Variants in CNTNAP5 observed in about 807,000 individuals in gnomAD.
The protein encoded by CNTNAP5 is contactin-associated protein-like 5.
A neutral mutation model predicts 150.2 loss-of-function variants in CNTNAP5; 72 were observed. The ratio of observed to expected loss-of-function variants is 0.48; its 90% CI spans 0.40 to 0.58. CNTNAP5 has a LOEUF of 0.58. Among genes scored for constraint, CNTNAP5 ranks in the 20% least tolerant of loss-of-function variants. CNTNAP5 has a pLI of 0.00. For synonymous variants in CNTNAP5, 672 were observed against 619.8 expected (o/e 1.08, Z -1.25); for missense variants, 1,636 against 1,626.2 (o/e 1.01, Z -0.10).
chr2:124,683,965 C>T (rs1679127954), intron 13 of CNTNAP5, among the ~76,000 whole-genome samples: 1 of 152,140 alleles, frequency 6.6e-6, no homozygotes. Flanking sequence ...TCTTTCTCCG[C>T]ACAAGGCCTG....
intron 1 of CNTNAP5, among the ~76,000 whole-genome samples, chr2:124,131,944 G>A (rs1683860357): frequency 6.6e-6 from 1 of 152,074 alleles, no homozygotes; most frequent in Admixed American, 6.6e-5. Context: ...TGTGAAGAGT[G>A]GATGAAAACC....
intron 1 of CNTNAP5, among the ~76,000 whole-genome samples, chr2:124,166,868 C>T (rs1684819290): frequency 6.6e-6 from 1 of 152,088 alleles, no homozygotes; most frequent in South Asian, 2.1e-4. Context: ...TTTGATAAAA[C>T]TTCCTCAAAT....
At chr2:124,431,984 G>A (rs1456382114) in intron 4 of CNTNAP5, among the ~76,000 whole-genome samples, 1 of 152,116 alleles carries the variant, frequency 6.6e-6, no homozygotes, top group East Asian at 1.9e-4. Flanking sequence ...CACCACACAA[G>A]GGACCCCACC....
At chr2:124,068,681 G>A (rs896174222) in intron 1 of CNTNAP5, among the ~76,000 whole-genome samples, 4 of 151,632 alleles carry the variant, frequency 2.6e-5, no homozygotes, top group Non-Finnish European at 5.9e-5. Context: ...CACAACTCAC[G>A]GCAGTGAAAG....
At chr2:124,427,748 T>G (rs879719932) in intron 4 of CNTNAP5, among the ~76,000 whole-genome samples, 1 of 152,112 alleles carries the variant, frequency 6.6e-6, no homozygotes, top group African/African-American at 2.4e-5. Flanking sequence ...TGAGCCACCG[T>G]GCCCGGCCAA....
At chr2:124,598,455 C>T (rs1293667949) in intron 11 of CNTNAP5, among the ~76,000 whole-genome samples, 26 of 142,848 alleles carry the variant, frequency 1.8e-4, no homozygotes, top group South Asian at 9.9e-4. Flanking sequence ...TTAGGCTGCT[C>T]GGGGGTCAGG....
At chr2:124,538,486 A>G (rs1044162467) in intron 10 of CNTNAP5, among the ~76,000 whole-genome samples, 5 of 151,894 alleles carry the variant, frequency 3.3e-5, no homozygotes, top group Non-Finnish European at 7.4e-5. Flanking sequence ...TGTCAGAAAG[A>G]AAGAGAGAGA....
chr2:124,084,701 G>GTA (rs1252208755), intron 1 of CNTNAP5, among the ~76,000 whole-genome samples: 1 of 151,646 alleles, frequency 6.6e-6, no homozygotes, highest in Non-Finnish European at 1.5e-5. Context: ...GAAGGTATAT[G>GTA]TATATATATT....
At chr2:124,411,491 G>A (rs373047713) in intron 3 of CNTNAP5, among the ~76,000 whole-genome samples, 1 of 147,422 alleles carries the variant, frequency 6.8e-6, no homozygotes, top group African/African-American at 2.5e-5. Context: ...AAAATACTGG[G>A]AAAATGAATC....
intron 7 of CNTNAP5, among the ~76,000 whole-genome samples, chr2:124,485,612 CAAAA>C (rs576700912): frequency 5.7e-5 from 3 of 52,400 alleles, no homozygotes; most frequent in Admixed American, 2.7e-4. Flanking sequence ...GACTCTGTCT[CAAAA>C]AAAAAAAAAA....
chr2:124,146,705 A>G (rs1353868065), intron 1 of CNTNAP5, among the ~76,000 whole-genome samples: 2 of 152,202 alleles, frequency 1.3e-5, no homozygotes, highest in Non-Finnish European at 2.9e-5. Flanking sequence ...AGTTATGTCA[A>G]ATTATTAATA....
chr2:124,151,156 A>T (rs184783705), intron 1 of CNTNAP5, among the ~76,000 whole-genome samples: 1 of 152,166 alleles, frequency 6.6e-6, no homozygotes, highest in East Asian at 1.9e-4. Flanking sequence ...CACGTGTCCA[A>T]TGAGTACAAG....
intron 13 of CNTNAP5, among the ~76,000 whole-genome samples, chr2:124,746,393 T>C (rs1411144346): frequency 6.6e-6 from 1 of 152,208 alleles, no homozygotes; most frequent in African/African-American, 2.4e-5. Context: ...TGGTTTCCAG[T>C]TAGCTATAAA....
At chr2:124,146,471 T>C (rs895153414) in intron 1 of CNTNAP5, among the ~76,000 whole-genome samples, 1 of 151,972 alleles carries the variant, frequency 6.6e-6, no homozygotes, top group African/African-American at 2.4e-5. Context: ...GAGAGAGAAA[T>C]GTTCACAGAT....
At chr2:124,408,896 GA>G (rs1691669690) in intron 3 of CNTNAP5, among the ~76,000 whole-genome samples, 1 of 152,190 alleles carries the variant, frequency 6.6e-6, no homozygotes, top group South Asian at 2.1e-4. Context: ...GAATGACTTT[GA>G]CGAGCTGAGA....
chr2:124,077,088 T>C (rs914094687), intron 1 of CNTNAP5, among the ~76,000 whole-genome samples: 1 of 150,604 alleles, frequency 6.6e-6, no homozygotes, highest in African/African-American at 2.4e-5. Flanking sequence ...TTAGATTTTA[T>C]TATTAGGGCT....
At position 124,647,109 on chromosome 2, in the gene CNTNAP5, G is replaced by A. The variant is rs915877873; in HGVS notation, c.1877-649G>A. ...CTCTCTCACTGCCTTACCTTCTTTC[G>A]CCTATTAGGCAAAATATGTCCTTCC... On this transcript the variant is annotated intron_variant, in intron 12 of 23. Transcript: ENST00000682447. 6.6e-5 allele frequency among the ~76,000 whole-genome samples: 10 copies of A among 151,926 alleles called. No homozygotes were observed. In the South Asian group the frequency reaches 1.5e-3, roughly 22 times the overall value.
At chr2:124,847,235 G>C (rs1683067328) in intron 19 of CNTNAP5, among the ~76,000 whole-genome samples, 1 of 152,200 alleles carries the variant, frequency 6.6e-6, no homozygotes, top group African/African-American at 2.4e-5. Flanking sequence ...AAGACCACCA[G>C]GTAGGGGCAG....
intron 1 of CNTNAP5, among the ~76,000 whole-genome samples, chr2:124,078,228 G>A (rs780481614): frequency 3.3e-5 from 5 of 151,962 alleles, no homozygotes; most frequent in Non-Finnish European, 5.9e-5. Context: ...CTAGAATTGT[G>A]GTCTACATAT....
Sources: allele counts gnomAD v4.1 joint callset (sites outside exome capture counted in the v4.1 genomes callset), GRCh38; gene constraint gnomAD v4.1.1; transcripts MANE v1.5; gene names NCBI Gene and HGNC (gene_info 2026-07-23, HGNC 2026-07-21).